Variants in GRIN2B observed in about 807,000 individuals in gnomAD.
GRIN2B encodes the protein glutamate receptor ionotropic, NMDA 2B.
A neutral mutation model predicts 114.5 loss-of-function variants in GRIN2B; 5 were observed. The ratio of observed to expected loss-of-function variants is 0.04; its 90% CI spans 0.02 to 0.09. GRIN2B has a LOEUF of 0.09. Ranked by LOEUF, GRIN2B falls within the 10% of genes least tolerant of loss-of-function variation. The pLI, the probability that GRIN2B is intolerant of heterozygous loss-of-function variation, is 1.00. For missense variants in GRIN2B, 1,108 were observed against 1,943.5 expected (o/e 0.57, Z 8.08); for synonymous variants, 787 against 745.1 (o/e 1.06, Z -0.92).
intron 10 of GRIN2B, among the ~76,000 whole-genome samples, chr12:13,585,735 A>C (rs1280278263): frequency 2.0e-5 from 3 of 152,226 alleles, no homozygotes; most frequent in African/African-American, 7.2e-5. Context: ...ATGCCAGTTG[A>C]GCAACTTTCT....
chr12:13,570,269 A>T (rs1483920459), intron 11 of GRIN2B, among the ~76,000 whole-genome samples: 1 of 152,228 alleles, frequency 6.6e-6, no homozygotes, highest in Non-Finnish European at 1.5e-5. Context: ...CCTGAAGCCA[A>T]CTCATAAACT....
intron 9 of GRIN2B, 24 bp downstream of exon 9, chr12:13,611,701 T>C (rs760463025): frequency 1.6e-5 from 25 of 1,611,676 alleles, no homozygotes; most frequent in Non-Finnish European, 7.6e-6. Context: ...ACTGGGGAAG[T>C]GCAGCGGTTC....
intron 2 of GRIN2B, among the ~76,000 whole-genome samples, chr12:13,937,399 GT>G (rs1867148549): frequency 6.6e-6 from 1 of 151,746 alleles, no homozygotes; most frequent in African/African-American, 2.4e-5. Flanking sequence ...GATCTTGAAA[GT>G]AGCCAGTAAG....
intron 2 of GRIN2B, among the ~76,000 whole-genome samples, chr12:13,917,812 A>G (rs773656802): frequency 5.1e-4 from 78 of 152,248 alleles, no homozygotes; most frequent in Non-Finnish European, 1.0e-3. Context: ...TTAAGTGGCA[A>G]TTTCAAAATA....
chr12:13,650,295 C>T (rs1315203604), intron 5 of GRIN2B, among the ~76,000 whole-genome samples: 9 of 151,994 alleles, frequency 5.9e-5, no homozygotes, highest in African/African-American at 1.9e-4. Context: ...CCTTCCTTCG[C>T]AGCATTATCT....
At chr12:13,733,818 A>C (rs1276231158) in intron 4 of GRIN2B, among the ~76,000 whole-genome samples, 1 of 152,258 alleles carries the variant, frequency 6.6e-6, no homozygotes, top group Non-Finnish European at 1.5e-5. Flanking sequence ...TGGAATCAGA[A>C]GGAACGTAGG....
At chr12:13,854,387 A>G (rs1865624073) in intron 3 of GRIN2B, among the ~76,000 whole-genome samples, 1 of 152,028 alleles carries the variant, frequency 6.6e-6, no homozygotes, top group South Asian at 2.1e-4. Context: ...GTGAGTGCCT[A>G]TAATCCCAGC....
At chr12:13,697,619 T>A (rs1427623679) in intron 4 of GRIN2B, among the ~76,000 whole-genome samples, 1 of 152,194 alleles carries the variant, frequency 6.6e-6, no homozygotes, top group Non-Finnish European at 1.5e-5. Context: ...CCAAACATTT[T>A]GTCCAAGGTT....
chr12:13,836,345 G>T (rs932590908), intron 3 of GRIN2B, among the ~76,000 whole-genome samples: 2 of 152,172 alleles, frequency 1.3e-5, no homozygotes, highest in Admixed American at 1.3e-4. Context: ...TGGAACACTG[G>T]TTAGGAATTC....
At chr12:13,614,302 G>A (rs143179105) in intron 8 of GRIN2B, among the ~76,000 whole-genome samples, 3 of 152,282 alleles carry the variant, frequency 2.0e-5, no homozygotes, top group African/African-American at 7.2e-5. Context: ...AAAAAATGTT[G>A]ATGTGCCTTA....
chr12:13,789,183 CTT>C (rs1257687803), intron 3 of GRIN2B, among the ~76,000 whole-genome samples: 2 of 152,120 alleles, frequency 1.3e-5, no homozygotes, highest in East Asian at 3.9e-4. Context: ...GTTATAAACT[CTT>C]ATATTCAACA....
chr12:13,763,585 A>T (rs891588731), intron 3 of GRIN2B, among the ~76,000 whole-genome samples: 2 of 152,090 alleles, frequency 1.3e-5, no homozygotes, highest in Admixed American at 1.3e-4. Context: ...CGAGATGATT[A>T]GGGCATTATT....
chr12:13,840,295 T>G (rs777857647), intron 3 of GRIN2B, among the ~76,000 whole-genome samples: 1 of 152,148 alleles, frequency 6.6e-6, no homozygotes, highest in Non-Finnish European at 1.5e-5. Context: ...GGTCATTTTG[T>G]TGAAAGGAAA....
intron 2 of GRIN2B, among the ~76,000 whole-genome samples, chr12:13,953,539 C>T (rs1311662195): frequency 6.6e-6 from 1 of 152,206 alleles, no homozygotes; most frequent in African/African-American, 2.4e-5. Flanking sequence ...TCCAAGCCTC[C>T]CGTGCCAAAT....
rs140336172 is a variant in GRIN2B at position 13,737,687 on chromosome 12, G to A, written c.1010+15630C>T. On this transcript the variant is annotated intron_variant, in intron 4 of 13. Coordinates refer to ENST00000609686, the MANE Select transcript of GRIN2B (RefSeq NM_000834.5). ...ATAAATGCTAGAGAGATAGGTGGAT[G>A]AGTGGAAGAAAGGGATTGAAGCCAA... Among the ~76,000 whole-genome samples the A allele has an allele frequency of 3.6e-4, 55 of 152,318 alleles. 1 individual carries two copies. The highest frequency in any genetic ancestry group is 1.1e-3 in the African/African-American group (47 of 41,574).
In GRIN2B at chr12:13,564,463, G is replaced by C; in HGVS notation, c.2775C>G (p.Ile925Met). 6.2e-7 allele frequency: 1 copy of C among 1,614,232 alleles called. No homozygotes were observed. Among genetic ancestry groups the C allele is most frequent in the Non-Finnish European group, 8.5e-7 (1 of 1,180,030 alleles). Residue 925 changes from isoleucine to methionine, a missense_variant, in exon 14 of 14, where the codon ATC (isoleucine) becomes ATG (methionine). This residue lies in a region of GRIN2B where 140 missense variants were observed against 187.5 expected (regional missense o/e 0.75). Transcript: ENST00000609686. This position sits in a 1 kb window ranked among gnomAD's most constrained non-coding sequence, Gnocchi z 4.8. ...TGTCATAGACGGATGACTCCCGTCG[G>C]ATGAAGTCCAGGGCGCTCTGCGGTG... ...NGSPQSALDF[I>M]RRESSVYDIS...
At chr12:13,611,637 G>C in intron 9 of GRIN2B, 88 bp downstream of exon 9, 1 of 1,284,818 alleles carries the variant, frequency 7.8e-7, no homozygotes, top group Non-Finnish European at 1.1e-6. Flanking sequence ...ATATGCTAGG[G>C]AAAATGCAGA....
At chr12:13,916,466 C>G (rs1866722717) in intron 2 of GRIN2B, among the ~76,000 whole-genome samples, 1 of 151,998 alleles carries the variant, frequency 6.6e-6, no homozygotes, top group South Asian at 2.1e-4. Flanking sequence ...TGGTTCTAAA[C>G]TAGTTGCTCT....
chr12:13,921,148 G>A (rs1295437376), intron 2 of GRIN2B, among the ~76,000 whole-genome samples: 1 of 152,190 alleles, frequency 6.6e-6, no homozygotes, highest in Admixed American at 6.5e-5. Flanking sequence ...TGTAATCCCA[G>A]CACTTTGGGA....
Sources: gnomAD v4.1 joint callset for allele counts (sites outside exome capture counted in the v4.1 genomes callset) on GRCh38, gnomAD v4.1.1 for gene constraint, gnomAD v4.1.1 regional missense constraint, Gnocchi (gnomAD v3.1) non-coding constraint, MANE v1.5 for transcripts, NCBI Gene and HGNC (gene_info 2026-07-23, HGNC 2026-07-21) for gene names.